Variants in SDK1 observed in about 807,000 individuals in gnomAD.
SDK1 encodes the protein sidekick cell adhesion molecule 1, also known as protein sidekick-1.
A neutral mutation model predicts 245.5 loss-of-function variants in SDK1; 157 were observed. That is an observed-to-expected ratio of 0.64 (90% confidence interval 0.56 to 0.73). SDK1 has a LOEUF of 0.73. Ranked by LOEUF, SDK1 falls within the 30% of genes least tolerant of loss-of-function variation. The pLI is 0.00. For missense variants in SDK1, 3,583 were observed against 3,002.3 expected (o/e 1.19, Z -4.52); for synonymous variants, 1,647 against 1,278.5 (o/e 1.29, Z -6.15).
In SDK1 at chr7:3,588,164, T is replaced by C. The variant is rs112314520; in HGVS notation, c.299-30916T>C. On this transcript the variant is annotated intron_variant, in intron 1 of 44. Coordinates refer to ENST00000404826, the MANE Select transcript of SDK1 (RefSeq NM_152744.4). ...AGTTACAGAGAAATTAAGTGACTTA[T>C]TATAATCTGATTTGTCAGTCAAATA... Among the ~76,000 whole-genome samples the C allele has an allele frequency of 5.7e-3, 864 of 152,306 alleles. 6 individuals carry two copies. The highest frequency in any genetic ancestry group is 0.018 in the South Asian group (85 of 4,822).
At chr7:3,949,496 T>C (rs961726890) in intron 5 of SDK1, among the ~76,000 whole-genome samples, 1 of 152,182 alleles carries the variant, frequency 6.6e-6, no homozygotes, top group Non-Finnish European at 1.5e-5. Flanking sequence ...GTTGCCAGAA[T>C]CCTCCGCTGC....
At chr7:3,627,177 G>C (rs1271918846) in intron 2 of SDK1, among the ~76,000 whole-genome samples, 1 of 152,066 alleles carries the variant, frequency 6.6e-6, no homozygotes, top group Non-Finnish European at 1.5e-5. Flanking sequence ...GATTCACCCA[G>C]CTTGTCCTCC....
chr7:4,098,524 A>G (rs1015045250), intron 22 of SDK1, among the ~76,000 whole-genome samples: 12 of 151,872 alleles, frequency 7.9e-5, no homozygotes, highest in African/African-American at 2.9e-4. Context: ...TTAAGCACCT[A>G]CTGTTTTATA....
intron 4 of SDK1, among the ~76,000 whole-genome samples, chr7:3,675,819 C>A (rs1442202634): frequency 1.3e-5 from 2 of 152,026 alleles, no homozygotes; most frequent in Non-Finnish European, 2.9e-5. Flanking sequence ...ATGCCATGCC[C>A]CGTATGTCTT....
At chr7:3,934,181 A>G (rs1015129815) in intron 5 of SDK1, among the ~76,000 whole-genome samples, 1 of 152,222 alleles carries the variant, frequency 6.6e-6, no homozygotes, top group African/African-American at 2.4e-5. Context: ...TTTTCTAAAG[A>G]TCTTCCTTGT....
intron 4 of SDK1, among the ~76,000 whole-genome samples, chr7:3,653,989 C>A (rs542608624): frequency 1.3e-5 from 2 of 152,004 alleles, no homozygotes; most frequent in Admixed American, 1.3e-4. Flanking sequence ...TATATGCCGC[C>A]CCTCAAAAAA....
intron 4 of SDK1, among the ~76,000 whole-genome samples, chr7:3,731,984 G>T (rs1161768828): frequency 6.6e-6 from 1 of 152,132 alleles, no homozygotes; most frequent in African/African-American, 2.4e-5. Context: ...TAGAGATGGG[G>T]TTTCACCGTG....
At chr7:3,807,648 T>G (rs1048785416) in intron 4 of SDK1, among the ~76,000 whole-genome samples, 7 of 152,016 alleles carry the variant, frequency 4.6e-5, no homozygotes, top group African/African-American at 1.7e-4. Flanking sequence ...CAACAAAGGT[T>G]TGCACAGATT....
intron 1 of SDK1, among the ~76,000 whole-genome samples, chr7:3,305,606 A>C (rs992666523): frequency 6.6e-6 from 1 of 152,204 alleles, no homozygotes; most frequent in Non-Finnish European, 1.5e-5. Context: ...ACAACTTTGT[A>C]ATTTGAGTTT....
chr7:3,565,150 G>T (rs1167058693), intron 1 of SDK1, among the ~76,000 whole-genome samples: 2 of 151,666 alleles, frequency 1.3e-5, no homozygotes, highest in East Asian at 1.9e-4. Flanking sequence ...CTAGACACTG[G>T]AATATAGCTG....
intron 28 of SDK1, among the ~76,000 whole-genome samples, chr7:4,141,943 G>A (rs1204708032): frequency 6.6e-6 from 1 of 152,154 alleles, no homozygotes; most frequent in Non-Finnish European, 1.5e-5. Flanking sequence ...TTTTAGTAGA[G>A]GCGGGGTTTC....
At chr7:3,937,274 G>A (rs184694550) in intron 5 of SDK1, among the ~76,000 whole-genome samples, 26 of 152,322 alleles carry the variant, frequency 1.7e-4, no homozygotes, top group African/African-American at 6.0e-4. Flanking sequence ...CTAGGCCCTG[G>A]GAATGTGGGC....
At chr7:4,051,349 G>T (rs1789463236) in intron 18 of SDK1, among the ~76,000 whole-genome samples, 1 of 148,718 alleles carries the variant, frequency 6.7e-6, no homozygotes. Context: ...CTTCTTAAGT[G>T]AAGAGAGGGT....
chr7:4,066,583 T>A (rs945636872), intron 19 of SDK1, among the ~76,000 whole-genome samples: 1 of 152,110 alleles, frequency 6.6e-6, no homozygotes, highest in Non-Finnish European at 1.5e-5. Context: ...CGGGAGAACA[T>A]CACCATCAGG....
intron 5 of SDK1, among the ~76,000 whole-genome samples, chr7:3,827,026 C>G (rs569701872): frequency 2.6e-5 from 4 of 152,298 alleles, no homozygotes; most frequent in Admixed American, 2.0e-4. Flanking sequence ...ACCATATCCC[C>G]ATCTCTTTCC....
At chr7:3,430,009 T>C (rs1339620106) in intron 1 of SDK1, among the ~76,000 whole-genome samples, 1 of 152,222 alleles carries the variant, frequency 6.6e-6, no homozygotes, top group Non-Finnish European at 1.5e-5. Flanking sequence ...ATACATGCAG[T>C]CACTGTGTGA....
At chr7:3,557,620 T>C (rs375043358) in intron 1 of SDK1, among the ~76,000 whole-genome samples, 109 of 152,346 alleles carry the variant, frequency 7.2e-4, no homozygotes, top group African/African-American at 2.5e-3. Flanking sequence ...ATTATATCCA[T>C]GTCAAAGAAA....
intron 1 of SDK1, among the ~76,000 whole-genome samples, chr7:3,502,617 T>C (rs910495881): frequency 1.3e-5 from 2 of 152,242 alleles, no homozygotes; most frequent in Non-Finnish European, 2.9e-5. Flanking sequence ...AATTTGGATT[T>C]ACATACATTT....
chr7:3,428,695 A>G (rs1360108171), intron 1 of SDK1, among the ~76,000 whole-genome samples: 1 of 152,150 alleles, frequency 6.6e-6, no homozygotes. Flanking sequence ...AAATCCAATT[A>G]TTGTAAAGAG....
Sources: gnomAD v4.1 joint callset for allele counts (sites outside exome capture counted in the v4.1 genomes callset) on GRCh38, gnomAD v4.1.1 for gene constraint, MANE v1.5 for transcripts, NCBI Gene and HGNC (gene_info 2026-07-23, HGNC 2026-07-21) for gene names.